DTD1: variants seen among roughly 807,000 people sequenced by gnomAD.
DTD1 encodes D-tyrosyl-tRNA deacylase 1 homolog.
In DTD1, 13 loss-of-function variants were observed where a neutral mutation model predicts 25.6. The ratio of observed to expected loss-of-function variants is 0.51; its 90% CI spans 0.33 to 0.81. The LOEUF (loss-of-function observed/expected upper bound fraction) is 0.81. Ranked by LOEUF, DTD1 falls within the 30% of genes least tolerant of loss-of-function variation. DTD1 has a pLI of 0.02. For synonymous variants in DTD1, 110 were observed against 103.6 expected, an observed-to-expected ratio of 1.06 and a Z score of -0.37; for missense variants, 193 against 266.4, an observed-to-expected ratio of 0.72 and a Z score of 1.92.
intron 3 of DTD1, among the ~76,000 whole-genome samples, chr20:18,621,697 G>A (rs1307837139): frequency 6.6e-6 from 1 of 152,038 alleles, no homozygotes; most frequent in South Asian, 2.1e-4. Context: ...AAATGGCTGG[G>A]TGAATCTCAT....
chr20:18,719,939 A>C (rs1305238288), intron 4 of DTD1, among the ~76,000 whole-genome samples: 1 of 152,226 alleles, frequency 6.6e-6, no homozygotes, highest in Non-Finnish European at 1.5e-5. Flanking sequence ...AGCTACATTT[A>C]CTCAGTTAAA....
At chr20:18,690,985 A>G (rs2061044467) in intron 4 of DTD1, among the ~76,000 whole-genome samples, 1 of 152,244 alleles carries the variant, frequency 6.6e-6, no homozygotes, top group African/African-American at 2.4e-5. Context: ...AAAAGAAGTC[A>G]TATGCATGGC....
At chr20:18,728,215 G>A (rs2061229110) in intron 4 of DTD1, among the ~76,000 whole-genome samples, 1 of 152,198 alleles carries the variant, frequency 6.6e-6, no homozygotes, top group Non-Finnish European at 1.5e-5. Context: ...CCCTGCCTGG[G>A]CAATGGGCTA....
chr20:18,633,163 T>A (rs139403296), intron 4 of DTD1, among the ~76,000 whole-genome samples: 1 of 152,230 alleles, frequency 6.6e-6, no homozygotes, highest in Non-Finnish European at 1.5e-5. Flanking sequence ...CATTCCTTGC[T>A]GTCATTTGCC....
intron 5 of DTD1, among the ~76,000 whole-genome samples, chr20:18,757,776 C>G (rs887598838): frequency 1.4e-4 from 22 of 152,300 alleles, no homozygotes; most frequent in African/African-American, 5.1e-4. Flanking sequence ...CAGGATGATG[C>G]TGGCCTCATA....
intron 4 of DTD1, among the ~76,000 whole-genome samples, chr20:18,733,642 T>C (rs2061246320): frequency 6.6e-6 from 1 of 152,170 alleles, no homozygotes. Context: ...ATAAGAATAA[T>C]AGAAAGGCAA....
chr20:18,760,639 G>T (rs1179321579), intron 5 of DTD1, among the ~76,000 whole-genome samples: 2 of 152,180 alleles, frequency 1.3e-5, no homozygotes, highest in Non-Finnish European at 2.9e-5. Context: ...GTGTTAGTCT[G>T]CCCCTACAGT....
chr20:18,648,402 G>A (rs1336419033), intron 4 of DTD1, among the ~76,000 whole-genome samples: 2 of 152,182 alleles, frequency 1.3e-5, no homozygotes, highest in Non-Finnish European at 2.9e-5. Flanking sequence ...CTGAGTTTGG[G>A]AGCAATGATC....
At chr20:18,681,030 C>G (rs923819813) in intron 4 of DTD1, among the ~76,000 whole-genome samples, 1 of 152,176 alleles carries the variant, frequency 6.6e-6, no homozygotes, top group Non-Finnish European at 1.5e-5. Flanking sequence ...TTCTATAAGT[C>G]AACAAATAAC....
chr20:18,744,138 G>T lies in DTD1; in HGVS notation c.516G>T (p.Lys172Asn). The T allele has an allele frequency of 6.2e-7, 1 of 1,612,064 alleles. No homozygotes were observed. Among genetic ancestry groups the T allele is most frequent in the East Asian group, 2.2e-5 (1 of 44,870 alleles). The change falls in exon 5 of 6, where the codon AAG becomes AAT. Residue 172 changes from lysine (K) to asparagine (N), a missense_variant. Lys to Asn is a moderately conservative substitution (Grantham distance 94). Transcript: ENST00000377452. ...AAAAACAGCAGCAGAGGAAAGAAAA[G>T]ACCAGAGCTAAGGGACCTTCTGAAT... ...KLEKQQQRKE[K>N]TRAKGPSESS...
At chr20:18,723,261 G>C (rs1377647632) in intron 4 of DTD1, among the ~76,000 whole-genome samples, 2 of 152,200 alleles carry the variant, frequency 1.3e-5, no homozygotes, top group Admixed American at 6.5e-5. Flanking sequence ...GAGGGGCAGG[G>C]GAAGGCAGGA....
intron 4 of DTD1, among the ~76,000 whole-genome samples, chr20:18,685,635 C>G (rs974237598): frequency 6.6e-6 from 1 of 152,200 alleles, no homozygotes; most frequent in Non-Finnish European, 1.5e-5. Flanking sequence ...GCTGCATACT[C>G]AACTCTGGCT....
chr20:18,693,103 G>A (rs1029682120), intron 4 of DTD1, among the ~76,000 whole-genome samples: 6 of 151,888 alleles, frequency 4.0e-5, no homozygotes, highest in Non-Finnish European at 8.8e-5. Context: ...ATGTGGGCAA[G>A]GCTGGTCTCC....
intron 4 of DTD1, among the ~76,000 whole-genome samples, chr20:18,654,085 A>C (rs1323517155): frequency 6.6e-6 from 1 of 152,250 alleles, no homozygotes; most frequent in African/African-American, 2.4e-5. Context: ...TAAACAAATA[A>C]AACTCCAGAA....
At chr20:18,625,332 A>G (rs1261885417) in intron 3 of DTD1, among the ~76,000 whole-genome samples, 1 of 152,246 alleles carries the variant, frequency 6.6e-6, no homozygotes, top group Non-Finnish European at 1.5e-5. Context: ...TTCACCACCA[A>G]GTCACTTAGG....
chr20:18,598,458 A>G (rs1263126978), intron 3 of DTD1, among the ~76,000 whole-genome samples: 1 of 152,052 alleles, frequency 6.6e-6, no homozygotes, highest in Non-Finnish European at 1.5e-5. Flanking sequence ...GTGTCTTTAT[A>G]GTAGAATGAT....
At chr20:18,588,462 G>T (rs2060575237) in intron 1 of DTD1, among the ~76,000 whole-genome samples, 1 of 152,260 alleles carries the variant, frequency 6.6e-6, no homozygotes, top group Admixed American at 6.5e-5. Flanking sequence ...TTCAGGGAGT[G>T]TTGATGAACC....
chr20:18,629,292 C>T lies in DTD1; in HGVS notation c.477+1059C>T, dbSNP rs555309012. 1.2e-4 allele frequency among the ~76,000 whole-genome samples: 14 copies of T among 120,964 alleles called. No individual in the cohort carries two copies. In the East Asian group the frequency reaches 1.2e-3, roughly 10 times the overall value. 79.4% of individuals were successfully genotyped at this position (120,964 alleles called of 152,430 possible). ...ATTACAGGTGTAATCCCACTGTGCT[C>T]GGCCTTTTTTTTTTTTTTTTTTTTT... On this transcript the variant is annotated intron_variant, in intron 4 of 5. Transcript: ENST00000377452.
At chr20:18,726,696 G>A (rs1600392814) in intron 4 of DTD1, among the ~76,000 whole-genome samples, 1 of 152,100 alleles carries the variant, frequency 6.6e-6, no homozygotes, top group Non-Finnish European at 1.5e-5. Context: ...TTAGTCCTGG[G>A]GGTTTTGATA....
Sources: allele counts gnomAD v4.1 joint callset (sites outside exome capture counted in the v4.1 genomes callset), GRCh38; gene constraint gnomAD v4.1.1; transcripts MANE v1.5; gene names NCBI Gene and HGNC (gene_info 2026-07-23, HGNC 2026-07-21).